ELP4: variants seen among roughly 807,000 people sequenced by gnomAD.
ELP4 encodes elongator acetyltransferase complex subunit 4.
Under a neutral mutation model 48.9 loss-of-function variants are expected in ELP4, and 51 were observed. The observed-to-expected ratio is 1.04, with a 90% CI of 0.83 to 1.32. ELP4 has a LOEUF of 1.32. Among genes scored for constraint, ELP4 ranks in the 40% most tolerant of loss-of-function variants. ELP4 has a pLI of 0.00. For synonymous variants in ELP4, 210 were observed against 189.2 expected, an observed-to-expected ratio of 1.11 and a Z score of -0.90; for missense variants, 519 against 514.6, an observed-to-expected ratio of 1.01 and a Z score of -0.08.
intron 9 of ELP4, among the ~76,000 whole-genome samples, chr11:31,771,959 G>A (rs1243543385): frequency 6.6e-6 from 1 of 151,840 alleles, no homozygotes; most frequent in Non-Finnish European, 1.5e-5. Flanking sequence ...TCCAGCCTGG[G>A]CGACAGAGCG....
intron 3 of ELP4, among the ~76,000 whole-genome samples, chr11:31,571,365 G>A (rs985878026): frequency 2.0e-5 from 3 of 152,184 alleles, no homozygotes; most frequent in Admixed American, 6.5e-5. Flanking sequence ...TGAGATGGCA[G>A]CAATTAGTCA....
chr11:31,788,215 C>T lies in ELP4; in HGVS notation c.*4691C>T. ...AAATAACAACTGACCAACAATGGGCCCTGCTTCATAGATTTGGGAATGTTT... is the reference window on the plus strand; with the variant it reads ...AAATAACAACTGACCAACAATGGGCTCTGCTTCATAGATTTGGGAATGTTT... On this transcript the variant is annotated 3_prime_UTR_variant, in exon 10 of 10. Coordinates refer to ENST00000640961, the MANE Select transcript of ELP4 (RefSeq NM_019040.5). 1 of 226,802 alleles carries T rather than the reference C, an allele frequency of 4.4e-6. No homozygotes were observed. Among genetic ancestry groups the T allele is most frequent in the South Asian group, 1.8e-4 (1 of 5,474 alleles). The allele number at this position is 226,802 out of a possible 1,614,324, so 14.0% of individuals were successfully genotyped here. A position where few individuals can be genotyped will look rare whatever the true frequency, so the allele number is the denominator to read the frequency against.
intron 3 of ELP4, among the ~76,000 whole-genome samples, chr11:31,548,814 C>T (rs1956783503): frequency 6.6e-6 from 1 of 152,254 alleles, no homozygotes; most frequent in East Asian, 1.9e-4. Flanking sequence ...CAGAACAGAG[C>T]CCTCAGAAAA....
chr11:31,593,581 TGAATG>T (rs1373649383), intron 3 of ELP4, among the ~76,000 whole-genome samples: 2 of 152,112 alleles, frequency 1.3e-5, no homozygotes, highest in Non-Finnish European at 2.9e-5. Context: ...TTTTAGATGA[TGAATG>T]GAGACATAGA....
intron 9 of ELP4, among the ~76,000 whole-genome samples, chr11:31,720,538 G>GT (rs55636132): frequency 1 from 152,316 of 152,318 alleles, 76,157 homozygotes; most frequent in Middle Eastern, 1. Context: ...GTCTCTTTCA[G>GT]TGCTTAGCAA....
intron 5 of ELP4, among the ~76,000 whole-genome samples, chr11:31,618,653 A>G (rs988870559): frequency 2.0e-5 from 3 of 152,132 alleles, no homozygotes; most frequent in African/African-American, 7.2e-5. Flanking sequence ...AACATATTAC[A>G]TGATTTCGTT....
intron 3 of ELP4, among the ~76,000 whole-genome samples, chr11:31,586,379 G>A (rs1346282152): frequency 3.3e-5 from 5 of 152,124 alleles, no homozygotes; most frequent in Admixed American, 2.6e-4. Context: ...TACAGGTGTT[G>A]GGGAAGGAAT....
intron 3 of ELP4, among the ~76,000 whole-genome samples, chr11:31,540,969 T>G (rs1342975555): frequency 2.0e-5 from 3 of 152,216 alleles, no homozygotes. Context: ...CACTTTTAAC[T>G]TTTAGAATTC....
chr11:31,613,710 AAG>A (rs1958024549), intron 5 of ELP4, among the ~76,000 whole-genome samples: 2 of 150,730 alleles, frequency 1.3e-5, no homozygotes, highest in African/African-American at 2.4e-5. Context: ...TATGATGAAC[AAG>A]AGTCTTTTTT....
chr11:31,552,336 A>C (rs1206475754), intron 3 of ELP4, among the ~76,000 whole-genome samples: 2 of 152,182 alleles, frequency 1.3e-5, no homozygotes, highest in African/African-American at 2.4e-5. Context: ...GATGACTTTC[A>C]AATTTATAAT....
chr11:31,516,916 A>G (rs911133649), intron 1 of ELP4, among the ~76,000 whole-genome samples: 1 of 152,192 alleles, frequency 6.6e-6, no homozygotes, highest in Non-Finnish European at 1.5e-5. Flanking sequence ...ACCTGTCTGA[A>G]TGTGAACTTA....
At chr11:31,644,661 C>T (rs1364456875) in intron 7 of ELP4, among the ~76,000 whole-genome samples, 2 of 151,624 alleles carry the variant, frequency 1.3e-5, no homozygotes, top group South Asian at 2.1e-4. Context: ...AATTCACCTG[C>T]TTTTATCTAA....
intron 2 of ELP4, among the ~76,000 whole-genome samples, chr11:31,533,072 G>A (rs1489195072): frequency 1.3e-5 from 2 of 151,986 alleles, no homozygotes; most frequent in South Asian, 2.1e-4. Flanking sequence ...CACTGTGCCC[G>A]GCCACAAGTA....
intron 2 of ELP4, among the ~76,000 whole-genome samples, chr11:31,524,599 C>T (rs1306254130): frequency 6.6e-6 from 1 of 152,192 alleles, no homozygotes; most frequent in Admixed American, 6.5e-5. Flanking sequence ...ATCATAGGGA[C>T]CACCTTAGAA....
chr11:31,789,779 C>G lies in ELP4; in HGVS notation c.*6255C>G, dbSNP rs1320254772. The G allele has an allele frequency of 1.3e-6, 1 of 743,784 alleles. No individual in the cohort carries two copies. The highest frequency in any genetic ancestry group is 2.4e-6 in the Non-Finnish European group (1 of 414,996). 46.1% of individuals were successfully genotyped at this position (743,784 alleles called of 1,614,324 possible). A position where few individuals can be genotyped will look rare whatever the true frequency, so the allele number is the denominator to read the frequency against. ...AAAGGTCCTTGTTTCAAGTCCATTCCTTCCCCAGTGGTACAATACAGGACA... is the reference window on the plus strand; with the variant it reads ...AAAGGTCCTTGTTTCAAGTCCATTCGTTCCCCAGTGGTACAATACAGGACA... On this transcript the variant is annotated 3_prime_UTR_variant, in exon 10 of 10. Transcript: ENST00000640961.
intron 3 of ELP4, among the ~76,000 whole-genome samples, chr11:31,543,420 T>C (rs1956626411): frequency 1.3e-5 from 2 of 151,962 alleles, no homozygotes; most frequent in Admixed American, 6.6e-5. Context: ...CCCGGGTTCA[T>C]GCCATTCTCC....
intron 1 of ELP4, among the ~76,000 whole-genome samples, chr11:31,515,833 G>A (rs1403313676): frequency 6.6e-6 from 1 of 152,190 alleles, no homozygotes; most frequent in African/African-American, 2.4e-5. Context: ...ACTTCTGGCT[G>A]GGCGCAGTGG....
At chr11:31,768,113 G>C (rs1321010488) in intron 9 of ELP4, among the ~76,000 whole-genome samples, 1 of 152,106 alleles carries the variant, frequency 6.6e-6, no homozygotes, top group African/African-American at 2.4e-5. Context: ...AGAGGGCTCT[G>C]ATACTTAAGA....
intron 3 of ELP4, among the ~76,000 whole-genome samples, chr11:31,541,140 T>A (rs1228297657): frequency 6.6e-6 from 1 of 152,224 alleles, no homozygotes; most frequent in African/African-American, 2.4e-5. Context: ...TAAATACTAA[T>A]TCATAATACC....
Sources: allele counts gnomAD v4.1 joint callset (sites outside exome capture counted in the v4.1 genomes callset), GRCh38; gene constraint gnomAD v4.1.1; transcripts MANE v1.5; gene names NCBI Gene and HGNC (gene_info 2026-07-23, HGNC 2026-07-21).